Variants in DAB1 observed in about 807,000 individuals in gnomAD.
DAB1 encodes disabled homolog 1.
DAB1 carries 15 observed loss-of-function variants against 64.6 expected under a neutral mutation model. The ratio of observed to expected loss-of-function variants is 0.23; its 90% CI spans 0.16 to 0.36. DAB1 has a LOEUF of 0.36. Among genes scored for constraint, DAB1 ranks in the 10% least tolerant of loss-of-function variants. The pLI is 1.00. For synonymous variants in DAB1, 235 were observed against 251.9 expected, an observed-to-expected ratio of 0.93 and a Z score of 0.64; for missense variants, 596 against 706.7, an observed-to-expected ratio of 0.84 and a Z score of 1.78.
intron 1 of DAB1, among the ~76,000 whole-genome samples, chr1:57,376,660 G>A (rs1392505518): frequency 6.6e-6 from 1 of 152,132 alleles, no homozygotes; most frequent in Non-Finnish European, 1.5e-5. Flanking sequence ...TGTATGTCCA[G>A]AACTTAGAAA....
At chr1:58,058,986 C>A (rs1648321243) in intron 5 of DAB1, among the ~76,000 whole-genome samples, 1 of 152,196 alleles carries the variant, frequency 6.6e-6, no homozygotes, top group Admixed American at 6.5e-5. Flanking sequence ...ATCTGCTCTA[C>A]CTCAGTTCCT....
intron 13 of DAB1, 142 bp downstream of exon 13, chr1:57,011,003 G>T: frequency 1.8e-6 from 2 of 1,122,584 alleles, no homozygotes; most frequent in Non-Finnish European, 2.5e-6. Flanking sequence ...ACAAAAGAAA[G>T]CCCCTTTAGC....
chr1:58,443,564 A>T (rs912888917), intron 3 of DAB1, among the ~76,000 whole-genome samples: 1 of 152,214 alleles, frequency 6.6e-6, no homozygotes, highest in South Asian at 2.1e-4. Flanking sequence ...TAATGTACCA[A>T]TGTTAATTCC....
At chr1:57,412,903 A>T (rs1684219931) in intron 1 of DAB1, among the ~76,000 whole-genome samples, 1 of 152,234 alleles carries the variant, frequency 6.6e-6, no homozygotes, top group Admixed American at 6.5e-5. Flanking sequence ...TGTAGACAAA[A>T]CAGCCTTATA....
chr1:57,778,799 C>A (rs372057566), intron 6 of DAB1, among the ~76,000 whole-genome samples: 2 of 151,894 alleles, frequency 1.3e-5, no homozygotes, highest in East Asian at 3.9e-4. Flanking sequence ...AAATTTATTC[C>A]GCCTTGCTTT....
At chr1:57,209,372 AC>A in intron 2 of DAB1, among the ~76,000 whole-genome samples, 1 of 152,236 alleles carries the variant, frequency 6.6e-6, no homozygotes, top group Non-Finnish European at 1.5e-5. Flanking sequence ...TGCTGCAAAG[AC>A]AGTTAAATGA....
At chr1:58,382,338 G>A (rs77424421) in intron 3 of DAB1, among the ~76,000 whole-genome samples, 3 of 152,020 alleles carry the variant, frequency 2.0e-5, no homozygotes, top group Non-Finnish European at 4.4e-5. Flanking sequence ...TATACAGCTG[G>A]GGAAATAGTC....
At chr1:57,859,879 A>C (rs1041210094) in intron 1 of DAB1, among the ~76,000 whole-genome samples, 2 of 152,238 alleles carry the variant, frequency 1.3e-5, no homozygotes, top group African/African-American at 2.4e-5. Flanking sequence ...TATTAGACAA[A>C]GACCTCTAAT....
intron 4 of DAB1, among the ~76,000 whole-genome samples, chr1:58,321,926 T>C (rs192840000): frequency 7.2e-5 from 11 of 152,344 alleles, no homozygotes; most frequent in African/African-American, 1.9e-4. Flanking sequence ...CCCAGCATGG[T>C]GTTTGAGCTC....
At chr1:58,532,170 A>C (rs984096236) in intron 1 of DAB1, among the ~76,000 whole-genome samples, 1 of 152,170 alleles carries the variant, frequency 6.6e-6, no homozygotes, top group Admixed American at 6.5e-5. Flanking sequence ...AGAAAACATA[A>C]ACGCCTAGAT....
At chr1:57,066,190 A>C (rs1650892027) in intron 8 of DAB1, among the ~76,000 whole-genome samples, 1 of 152,184 alleles carries the variant, frequency 6.6e-6, no homozygotes, top group African/African-American at 2.4e-5. Flanking sequence ...GAAAATGACC[A>C]TGTGGAAAGC....
chr1:58,378,808 A>G lies in DAB1; in HGVS notation n.258-35405T>C, dbSNP rs1270864889. Among the ~76,000 whole-genome samples, 9 of 109,160 alleles carry G rather than the reference A, an allele frequency of 8.2e-5. No individual in the cohort carries two copies. In the East Asian group the frequency reaches 1.9e-3, roughly 24 times the overall value. The allele number at this position is 109,160 out of a possible 152,430, so 71.6% of individuals were successfully genotyped here. On this transcript the variant is annotated intron_variant and non_coding_transcript_variant, in intron 3 of 20. Transcript: ENST00000485760. ...CTGCCGCCTTGCAGTTTGATCTCAG[A>G]CTGCTGTGCTAGCAATCAGCGAGAT...
At chr1:57,671,271 CA>C (rs1384528137) in intron 6 of DAB1, among the ~76,000 whole-genome samples, 1 of 151,912 alleles carries the variant, frequency 6.6e-6, no homozygotes, top group Non-Finnish European at 1.5e-5. Flanking sequence ...AATAAAGGGT[CA>C]AATAATAAAT....
chr1:58,243,469 T>C (rs1660391744), intron 4 of DAB1, among the ~76,000 whole-genome samples: 1 of 152,176 alleles, frequency 6.6e-6, no homozygotes, highest in South Asian at 2.1e-4. Flanking sequence ...GAAAAGGTTG[T>C]CTGATGTCAC....
At chr1:57,034,688 T>G (rs1331066738) in intron 9 of DAB1, among the ~76,000 whole-genome samples, 1 of 152,252 alleles carries the variant, frequency 6.6e-6, no homozygotes. Flanking sequence ...ATGTATAAGC[T>G]AATTATTCTT....
intron 4 of DAB1, among the ~76,000 whole-genome samples, chr1:58,153,929 T>G (rs1343333296): frequency 1.3e-5 from 2 of 150,604 alleles, no homozygotes; most frequent in Non-Finnish European, 3.0e-5. Flanking sequence ...CCCCCAAAAC[T>G]ACTGTACCTT....
At chr1:57,916,468 C>T (rs1233402828) in intron 5 of DAB1, among the ~76,000 whole-genome samples, 1 of 152,230 alleles carries the variant, frequency 6.6e-6, no homozygotes, top group Non-Finnish European at 1.5e-5. Flanking sequence ...CAAATTCTAG[C>T]TCCAACAGTA....
intron 7 of DAB1, among the ~76,000 whole-genome samples, chr1:57,636,825 T>G (rs777246305): frequency 4.6e-5 from 7 of 152,140 alleles, no homozygotes; most frequent in African/African-American, 2.4e-5. Context: ...CCAGCAGACA[T>G]CCAATAGAGA....
intron 1 of DAB1, among the ~76,000 whole-genome samples, chr1:57,398,347 A>T (rs1026527359): frequency 1.3e-5 from 2 of 151,964 alleles, no homozygotes; most frequent in African/African-American, 2.4e-5. Context: ...GGATCTAGGG[A>T]TGCCTGAGGG....
Sources: gnomAD v4.1 joint callset for allele counts (sites outside exome capture counted in the v4.1 genomes callset) on GRCh38, gnomAD v4.1.1 for gene constraint, MANE v1.5 for transcripts, NCBI Gene and HGNC (gene_info 2026-07-23, HGNC 2026-07-21) for gene names.